Variants in ITGA1 observed in about 807,000 individuals in gnomAD.
ITGA1 encodes the protein integrin subunit alpha 1, also known as integrin alpha-1.
A neutral mutation model predicts 145.9 loss-of-function variants in ITGA1; 85 were observed. The ratio of observed to expected loss-of-function variants is 0.58; its 90% CI spans 0.49 to 0.70. The LOEUF (loss-of-function observed/expected upper bound fraction) is 0.70. Ranked by LOEUF, ITGA1 falls within the 30% of genes least tolerant of loss-of-function variation. The pLI is 0.00. For synonymous variants in ITGA1, 520 were observed against 495.3 expected, an observed-to-expected ratio of 1.05 and a Z score of -0.66; for missense variants, 1,351 against 1,418.7, an observed-to-expected ratio of 0.95 and a Z score of 0.77.
chr5:52,907,362 A>G (rs890082114), intron 12 of ITGA1, among the ~76,000 whole-genome samples: 2 of 152,220 alleles, frequency 1.3e-5, no homozygotes, highest in African/African-American at 2.4e-5. Context: ...ACAGATATCA[A>G]TAATAGGAAG....
intron 19 of ITGA1, 64 bp from the exon 20 acceptor site, chr5:52,927,520 A>G (rs923837): frequency 0.5 from 579,401 of 1,153,874 alleles, 149,922 homozygotes; most frequent in Non-Finnish European, 0.54. Flanking sequence ...GAAAATTCTG[A>G]AAGAACACGT....
In ITGA1 at chr5:52,952,387, G is replaced by T; in HGVS notation, c.3496-20G>T. 1 of 1,367,602 alleles carries T rather than the reference G, an allele frequency of 7.3e-7. No individual in the cohort carries two copies. Among genetic ancestry groups the T allele is most frequent in the Non-Finnish European group, 1.0e-6 (1 of 1,000,858 alleles). 84.7% of individuals were successfully genotyped at this position (1,367,602 alleles called of 1,614,324 possible). ...AAATTAAAATAGTTAATTGTGTTAT[G>T]TTTTGTGTTTTCTCAACAGATTGGA... On this transcript the variant is annotated intron_variant, in intron 28 of 28. Transcript: ENST00000282588.
At position 52,925,381 on chromosome 5, in the gene ITGA1, A is replaced by G; in HGVS notation, c.2507A>G (p.Asn836Ser). Residue 836 changes from asparagine (N) to serine (S), a missense_variant, in exon 19 of 29, where the codon AAT becomes AGT. Asn to Ser is a conservative substitution (Grantham distance 46, BLOSUM62 1). Transcript: ENST00000282588. ...GACCTGCTGATTGTCCGATCCCAGA[A>G]TGATAAGTTCAACGTTAGCCTCACA... ...EKDLLIVRSQ[N>S]DKFNVSLTVK... The G allele has an allele frequency of 6.2e-7, 1 of 1,614,104 alleles. No homozygotes were observed. The highest frequency in any genetic ancestry group is 8.5e-7 in the Non-Finnish European group (1 of 1,179,928).
chr5:52,792,437 G>A (rs115018790), intron 1 of ITGA1, among the ~76,000 whole-genome samples: 4,415 of 152,280 alleles, frequency 0.029, 76 homozygotes, highest in Non-Finnish European at 0.037. Flanking sequence ...TTAGTAAACA[G>A]GCAATGAGAG....
intron 11 of ITGA1, among the ~76,000 whole-genome samples, chr5:52,901,626 AT>A (rs1033288787): frequency 1.3e-4 from 20 of 152,202 alleles, no homozygotes; most frequent in Non-Finnish European, 2.6e-4. Flanking sequence ...ATTATATGTG[AT>A]TAAATTCCTT....
intron 1 of ITGA1, chr5:52,801,627 T>C (rs1404506572): frequency 1.2e-6 from 2 of 1,614,174 alleles, no homozygotes; most frequent in Non-Finnish European, 1.7e-6. Flanking sequence ...TCATCAGCGA[T>C]GAGCTCTTCA....
intron 14 of ITGA1, among the ~76,000 whole-genome samples, chr5:52,911,686 T>TACTATACATATAGTGTATCTACTATATAC (rs1750543170): frequency 1.9e-5 from 1 of 51,792 alleles, no homozygotes; most frequent in Non-Finnish European, 5.0e-5. Context: ...CTACTATATA[T>TACTATACATATAGTGTATCTACTATATAC]ACTATACATA....
At position 52,788,228 on chromosome 5, in the gene ITGA1, G is replaced by A. The variant is rs759514428; in HGVS notation, c.-126G>A. ...TCCTCTCCCGCTCCTGGGCGCCGCT[G>A]CCACTGGGGCAGAGGACTGGGAACC... On this transcript the variant is annotated 5_prime_UTR_variant, in exon 1 of 29. Coordinates refer to ENST00000282588, the MANE Select transcript of ITGA1 (RefSeq NM_181501.2). 6.4e-6 allele frequency: 4 copies of A among 627,092 alleles called. No individual in the cohort carries two copies. Among genetic ancestry groups the A allele is most frequent in the South Asian group, 2.5e-5 (1 of 39,576 alleles). The allele number at this position is 627,092 out of a possible 1,614,324, so 38.8% of individuals were successfully genotyped here.
At chr5:52,909,348 T>G (rs1282954762) in intron 13 of ITGA1, among the ~76,000 whole-genome samples, 1 of 152,042 alleles carries the variant, frequency 6.6e-6, no homozygotes, top group African/African-American at 2.4e-5. Context: ...GCTGGGAGGC[T>G]TATCAGCTCT....
rs755886862 is a variant in ITGA1, at chr5:52,897,532, T to A, written c.1164+4T>A. 15 of 1,609,012 alleles carry A rather than the reference T, an allele frequency of 9.3e-6. No homozygotes were observed. The East Asian group carries it at 3.3e-4, about 36-fold the overall frequency. ...CTTCAGTGCTCATTATTCACAGGTATGTTGACCAGTTGGTGAAAAATGAAA... is the reference window on the plus strand; with the variant it reads ...CTTCAGTGCTCATTATTCACAGGTAAGTTGACCAGTTGGTGAAAAATGAAA... On this transcript the variant is annotated splice_donor_region_variant and intron_variant, in intron 10 of 28. Transcript: ENST00000282588.
chr5:52,796,582 TAC>T (rs976600780), intron 1 of ITGA1, among the ~76,000 whole-genome samples: 11 of 152,010 alleles, frequency 7.2e-5, no homozygotes, highest in Non-Finnish European at 1.6e-4. Flanking sequence ...TTAAGTGAAA[TAC>T]AGTCAATAAC....
chr5:52,925,077 A>G (rs1181082075), intron 18 of ITGA1, among the ~76,000 whole-genome samples: 3 of 152,362 alleles, frequency 2.0e-5, no homozygotes, highest in African/African-American at 7.2e-5. Flanking sequence ...CACAATTTAC[A>G]TTTGTAAGTA....
At chr5:52,948,764 A>G (rs1751172813) in intron 28 of ITGA1, 2 of 152,138 alleles carry the variant, frequency 1.3e-5, no homozygotes, top group Admixed American at 1.3e-4. Context: ...TGCACCTCTA[A>G]TAGAGAGTGT....
chr5:52,842,461 G>A (rs1749268866), intron 1 of ITGA1, among the ~76,000 whole-genome samples: 1 of 152,150 alleles, frequency 6.6e-6, no homozygotes, highest in African/African-American at 2.4e-5. Flanking sequence ...TTAGGGAAAA[G>A]TCCTCTTTTG....
chr5:52,849,380 G>A lies in ITGA1; in HGVS notation c.77G>A (p.Cys26Tyr). Residue 26 changes from cysteine (C) to tyrosine (Y), a missense_variant, in exon 2 of 29, where the codon TGC becomes TAC. By Grantham distance (194) the Cys-to-Tyr change is radical. Transcript: ENST00000282588. ...CWLLTVVLRC[C>Y]VSFNVDVKNS... is the part of the protein sequence containing the mutation. Reference sequence around the variant, plus strand: ...TCTCCTAAAGTTGTTCTACGCTGCTGCGTATCATTCAATGTTGATGTGAAA... The same window carrying A: ...TCTCCTAAAGTTGTTCTACGCTGCTACGTATCATTCAATGTTGATGTGAAA... The A allele has an allele frequency of 6.2e-7, 1 of 1,610,678 alleles. No individual in the cohort carries two copies. Among genetic ancestry groups the A allele is most frequent in the South Asian group, 1.1e-5 (1 of 90,668 alleles).
At chr5:52,935,635 TAAG>T (rs1579728631) in intron 23 of ITGA1, among the ~76,000 whole-genome samples, 1 of 152,158 alleles carries the variant, frequency 6.6e-6, no homozygotes, top group Non-Finnish European at 1.5e-5. Context: ...ATAATGCATA[TAAG>T]AAGATTAGCA....
rs775000589 is a variant in ITGA1, at chr5:52,910,254, T to G, written c.1692T>G (p.Asn564Lys). The change falls in exon 14 of 29, where the codon AAT (asparagine) becomes AAG (lysine). Residue 564 changes from asparagine (N) to lysine (K), a missense_variant. Coordinates refer to ENST00000282588, the MANE Select transcript of ITGA1 (RefSeq NM_181501.2). ...ATTCATGCACAACAGAAAACAAAAA[T>G]GAGCCATGCGGGGCTCGTTTTGGAA... Reference protein sequence around the residue: ...QHNSCTTENKNEPCGARFGTA... With the variant: ...QHNSCTTENKKEPCGARFGTA... 6.2e-7 allele frequency: 1 copy of G among 1,613,972 alleles called. No homozygotes were observed.
intron 14 of ITGA1, 65 bp from the exon 15 acceptor site, chr5:52,915,399 A>G: frequency 6.6e-7 from 1 of 1,506,034 alleles, no homozygotes; most frequent in South Asian, 1.2e-5. Flanking sequence ...AAATTCTCAG[A>G]TTTATTTGAA....
At chr5:52,912,728 G>A (rs935262927) in intron 14 of ITGA1, among the ~76,000 whole-genome samples, 4 of 141,458 alleles carry the variant, frequency 2.8e-5, no homozygotes, top group Non-Finnish European at 4.5e-5. Context: ...GTGTGTGTGT[G>A]TGTGTGTGTG....
Sources: gnomAD v4.1 joint callset for allele counts (sites outside exome capture counted in the v4.1 genomes callset) on GRCh38, gnomAD v4.1.1 for gene constraint, MANE v1.5 for transcripts, NCBI Gene and HGNC (gene_info 2026-07-23, HGNC 2026-07-21) for gene names.